The following GHR variants were observed in gnomAD, a reference collection of about 807,000 sequenced individuals.
The protein encoded by GHR is growth hormone receptor.
Under a neutral mutation model 67.1 loss-of-function variants are expected in GHR, and 35 were observed. That is an observed-to-expected ratio of 0.52 (90% confidence interval 0.40 to 0.69). The LOEUF is 0.69. GHR is among the 30% of genes least tolerant of loss of function. The probability of loss-of-function intolerance (pLI) is 0.00; values close to 1 mark genes in which losing one functional copy is unlikely to be tolerated. For synonymous variants in GHR, 272 were observed against 269.1 expected (o/e 1.01, Z -0.10); for missense variants, 792 against 764.6 (o/e 1.04, Z -0.42).
intron 1 of GHR, among the ~76,000 whole-genome samples, chr5:42,522,097 T>C (rs1051851422): frequency 6.6e-6 from 1 of 152,162 alleles, no homozygotes; most frequent in African/African-American, 2.4e-5. Flanking sequence ...TCCATCGTTT[T>C]GTATTGCACA....
At chr5:42,464,449 G>A (rs1037266906) in intron 1 of GHR, among the ~76,000 whole-genome samples, 3 of 152,160 alleles carry the variant, frequency 2.0e-5, no homozygotes, top group African/African-American at 7.2e-5. Context: ...ATGGATGCAC[G>A]GTGTGAATGA....
chr5:42,472,686 A>G (rs1474113580), intron 1 of GHR, among the ~76,000 whole-genome samples: 2 of 152,178 alleles, frequency 1.3e-5, no homozygotes, highest in South Asian at 2.1e-4. Flanking sequence ...GAGCAAATAT[A>G]AGGAAGAGTT....
chr5:42,487,333 A>G (rs1244745168), intron 1 of GHR, among the ~76,000 whole-genome samples: 2 of 152,120 alleles, frequency 1.3e-5, no homozygotes, highest in East Asian at 3.9e-4. Flanking sequence ...AGTATTTTCT[A>G]TGTCTGATAA....
intron 2 of GHR, among the ~76,000 whole-genome samples, chr5:42,582,129 G>A (rs193147653): frequency 1.2e-4 from 19 of 152,356 alleles, no homozygotes; most frequent in East Asian, 1.9e-4. Context: ...GTGGTTCAGC[G>A]CAGGCCTGCA....
chr5:42,549,215 G>T (rs1354346095), intron 1 of GHR, among the ~76,000 whole-genome samples: 1 of 152,174 alleles, frequency 6.6e-6, no homozygotes, highest in African/African-American at 2.4e-5. Flanking sequence ...TGCCTGATGT[G>T]ATGGGAACCA....
At chr5:42,621,061 T>G (rs572504969) in intron 2 of GHR, among the ~76,000 whole-genome samples, 1 of 152,256 alleles carries the variant, frequency 6.6e-6, no homozygotes, top group Admixed American at 6.5e-5. Flanking sequence ...TGCGCTCCTG[T>G]TATCCCATGG....
chr5:42,468,117 T>C, intron 1 of GHR: 1 of 1,196,492 alleles, frequency 8.4e-7, no homozygotes, highest in Non-Finnish European at 1.2e-6. Context: ...AACTGAAGGT[T>C]CTTGGTTTCA....
intron 2 of GHR, among the ~76,000 whole-genome samples, chr5:42,608,543 A>G (rs1752738433): frequency 6.6e-6 from 1 of 152,180 alleles, no homozygotes; most frequent in South Asian, 2.1e-4. Context: ...ACACAAAGGC[A>G]TAAGTGACAT....
At chr5:42,683,406 T>C (rs1756983517) in intron 3 of GHR, among the ~76,000 whole-genome samples, 1 of 152,238 alleles carries the variant, frequency 6.6e-6, no homozygotes, top group Non-Finnish European at 1.5e-5. Flanking sequence ...AGCAACGTAC[T>C]TCATCAAAAC....
chr5:42,477,995 T>C (rs188049949), intron 1 of GHR, among the ~76,000 whole-genome samples: 2 of 151,926 alleles, frequency 1.3e-5, no homozygotes, highest in South Asian at 2.1e-4. Flanking sequence ...TCGGTTTTCT[T>C]CTAGGGTTTT....
At chr5:42,569,019 T>C (rs1258510608) in intron 2 of GHR, among the ~76,000 whole-genome samples, 2 of 152,208 alleles carry the variant, frequency 1.3e-5, no homozygotes, top group African/African-American at 4.8e-5. Context: ...TCACACTTTA[T>C]AGAAGTGATG....
At chr5:42,704,902 CT>C (rs906051911) in intron 6 of GHR, among the ~76,000 whole-genome samples, 18 of 151,866 alleles carry the variant, frequency 1.2e-4, no homozygotes, top group African/African-American at 4.1e-4. Flanking sequence ...TGGGCTTTCT[CT>C]TTTTTTATTA....
chr5:42,496,264 C>T (rs918664699), intron 1 of GHR, among the ~76,000 whole-genome samples: 2 of 152,168 alleles, frequency 1.3e-5, no homozygotes, highest in African/African-American at 4.8e-5. Context: ...ATTGGGTGAA[C>T]AATCACTGCA....
At chr5:42,436,290 C>T (rs954026867) in intron 1 of GHR, among the ~76,000 whole-genome samples, 3 of 152,178 alleles carry the variant, frequency 2.0e-5, no homozygotes, top group Non-Finnish European at 4.4e-5. Context: ...AGAGCCTACA[C>T]TCCTAATGCT....
At chr5:42,570,191 A>G (rs1001260735) in intron 2 of GHR, among the ~76,000 whole-genome samples, 1 of 152,222 alleles carries the variant, frequency 6.6e-6, no homozygotes. Flanking sequence ...GTGTTCAAGA[A>G]TGAACACTTC....
At chr5:42,426,029 T>A (rs1215803773) in intron 1 of GHR, among the ~76,000 whole-genome samples, 1 of 152,160 alleles carries the variant, frequency 6.6e-6, no homozygotes, top group Non-Finnish European at 1.5e-5. Context: ...ATGTTTTTTA[T>A]TATTAGTTTT....
At chr5:42,684,015 A>G (rs1214282920) in intron 3 of GHR, among the ~76,000 whole-genome samples, 1 of 151,472 alleles carries the variant, frequency 6.6e-6, no homozygotes, top group Non-Finnish European at 1.5e-5. Context: ...TTCTGTTTCA[A>G]GTTTTGAAGT....
intron 1 of GHR, among the ~76,000 whole-genome samples, chr5:42,533,693 A>G (rs1254803648): frequency 2.0e-5 from 3 of 151,546 alleles, no homozygotes; most frequent in Non-Finnish European, 4.4e-5. Flanking sequence ...ATTCTATTCT[A>G]TTTTTATTTT....
intron 1 of GHR, chr5:42,549,717 G>A: frequency 4.2e-6 from 4 of 944,708 alleles, no homozygotes; most frequent in Non-Finnish European, 5.0e-6. Context: ...GGCCACATCA[G>A]ATCACACATG....
Sources: allele counts gnomAD v4.1 joint callset (sites outside exome capture counted in the v4.1 genomes callset), GRCh38; gene constraint gnomAD v4.1.1; transcripts MANE v1.5; gene names NCBI Gene and HGNC (gene_info 2026-07-23, HGNC 2026-07-21).